The following STK3 variants were observed in gnomAD, a reference collection of about 807,000 sequenced individuals.
The protein encoded by STK3 is serine/threonine kinase 3.
In STK3, 41 loss-of-function variants were observed where a neutral mutation model predicts 58.0. The ratio of observed to expected loss-of-function variants is 0.71; its 90% CI spans 0.55 to 0.92. The LOEUF is 0.92. STK3 is among the 40% of genes least tolerant of loss of function. The pLI, the probability that STK3 is intolerant of heterozygous loss-of-function variation, is 0.00. For synonymous variants in STK3, 170 were observed against 191.0 expected (o/e 0.89, Z 0.91); for missense variants, 479 against 602.7 (o/e 0.79, Z 2.15).
chr8:98,586,986 CTTT>C (rs1045653949), intron 7 of STK3, among the ~76,000 whole-genome samples: 54 of 152,060 alleles, frequency 3.6e-4, no homozygotes, highest in African/African-American at 1.3e-3. Context: ...ATTCTTCTCT[CTTT>C]TTTTCTTTAT....
At chr8:98,727,022 A>G (rs1390992761) in intron 4 of STK3, among the ~76,000 whole-genome samples, 2 of 152,158 alleles carry the variant, frequency 1.3e-5, no homozygotes, top group East Asian at 3.8e-4. Flanking sequence ...TTGCCAGTCT[A>G]GCACTCATTT....
rs945966619 is a variant in STK3 at position 98,758,566 on chromosome 8, AT to A, written c.236+8676del. Among the ~76,000 whole-genome samples the A allele has an allele frequency of 8.5e-5, 13 of 152,290 alleles. No individual in the cohort carries two copies. The South Asian group carries it at 2.1e-3, about 24-fold the overall frequency. On this transcript the variant is annotated intron_variant, in intron 3 of 10. Transcript: ENST00000419617. ...TTGCAAAATTCTTGAGGGTCCTAAG[AT>A]TTTTGGAATGGGCAATGAACACTGG...
At chr8:98,399,132 G>A (rs1404582896), downstream of STK3, among the ~76,000 whole-genome samples, 1 of 152,204 alleles carries the variant, frequency 6.6e-6, no homozygotes, top group African/African-American at 2.4e-5. Context: ...AATTAGTTCA[G>A]CAGACTGGAC....
intron 1 of STK3, among the ~76,000 whole-genome samples, chr8:98,815,935 G>C (rs1431446111): frequency 6.6e-6 from 1 of 152,022 alleles, no homozygotes; most frequent in East Asian, 1.9e-4. Context: ...TCACAAAAAA[G>C]AAAGACAATT....
At chr8:98,899,506 T>C (rs958013942) in intron 1 of STK3, among the ~76,000 whole-genome samples, 34 of 152,144 alleles carry the variant, frequency 2.2e-4, no homozygotes, top group Non-Finnish European at 7.3e-5. Context: ...TATATAGCAT[T>C]TATAGTGTAT....
chr8:98,432,217 G>A (rs1818345398), intron 3 of STK3: 1 of 166,898 alleles, frequency 6.0e-6, no homozygotes, highest in African/African-American at 2.4e-5. Context: ...GACATCTTTG[G>A]CAACCAGGCT....
chr8:98,579,571 AG>A, intron 8 of STK3, 92 bp downstream of exon 8: 1 of 1,415,982 alleles, frequency 7.1e-7, no homozygotes, highest in Non-Finnish European at 9.6e-7. Context: ...TTACTTGTAT[AG>A]TAAAACAGTA....
intron 6 of STK3, among the ~76,000 whole-genome samples, chr8:98,657,199 A>T (rs1046187229): frequency 6.6e-6 from 1 of 152,056 alleles, no homozygotes; most frequent in Admixed American, 6.6e-5. Flanking sequence ...ATGGCCATTC[A>T]CCCATATATA....
chr8:98,896,870 T>C (rs928488756), intron 1 of STK3, among the ~76,000 whole-genome samples: 2 of 152,038 alleles, frequency 1.3e-5, no homozygotes, highest in African/African-American at 4.8e-5. Flanking sequence ...TCCTAGCTAC[T>C]CGGGAGGCTG....
intron 3 of STK3, among the ~76,000 whole-genome samples, chr8:98,858,211 G>C (rs975512372): frequency 6.7e-6 from 1 of 149,134 alleles, no homozygotes; most frequent in South Asian, 2.1e-4. Context: ...ACGAAACCCA[G>C]TGTCTACTAA....
At chr8:98,415,779 A>AT (rs1353324873) in intron 3 of STK3, among the ~76,000 whole-genome samples, 1 of 152,216 alleles carries the variant, frequency 6.6e-6, no homozygotes, top group Non-Finnish European at 1.5e-5. Flanking sequence ...TGAACAGATG[A>AT]TTTTTTGAAA....
chr8:98,507,994 T>C lies in STK3; in HGVS notation c.1317+18748A>G, dbSNP rs569724025. On this transcript the variant is annotated intron_variant, in intron 10 of 10. Coordinates refer to ENST00000419617, the MANE Select transcript of STK3 (RefSeq NM_006281.4). ...TCTCTCCAAAGTACTTATCGTCTTTTAGCAAACTGTATACTTTACTAATTT... is the reference window on the plus strand; with the variant it reads ...TCTCTCCAAAGTACTTATCGTCTTTCAGCAAACTGTATACTTTACTAATTT... Among the ~76,000 whole-genome samples the C allele has an allele frequency of 3.9e-5, 6 of 152,348 alleles. No individual in the cohort carries two copies. In the South Asian group the frequency reaches 6.2e-4, roughly 16 times the overall value.
intron 9 of STK3, among the ~76,000 whole-genome samples, chr8:98,537,778 C>T (rs1018053614): frequency 6.6e-6 from 1 of 151,974 alleles, no homozygotes; most frequent in Non-Finnish European, 1.5e-5. Flanking sequence ...AACCTATTAG[C>T]AATAAAGAAT....
At chr8:98,879,231 T>C (rs896468117), downstream of STK3, 9 of 152,268 alleles carry the variant, frequency 5.9e-5, no homozygotes, top group Admixed American at 3.3e-4. Context: ...AAATGCTATG[T>C]AAATAGTTGT....
At chr8:98,648,667 T>A (rs977347675) in intron 6 of STK3, among the ~76,000 whole-genome samples, 1 of 152,088 alleles carries the variant, frequency 6.6e-6, no homozygotes, top group African/African-American at 2.4e-5. Flanking sequence ...CCAAGGCAGA[T>A]GAATCACTTG....
upstream of STK3, among the ~76,000 whole-genome samples, chr8:98,389,432 A>G (rs1817825784): frequency 6.6e-6 from 1 of 152,320 alleles, no homozygotes; most frequent in Non-Finnish European, 1.5e-5. Flanking sequence ...CAAGATAGCT[A>G]AAGCTTCAAA....
At chr8:98,562,025 T>C (rs1786281116) in intron 8 of STK3, among the ~76,000 whole-genome samples, 1 of 152,128 alleles carries the variant, frequency 6.6e-6, no homozygotes, top group African/African-American at 2.4e-5. Flanking sequence ...CCATACAAAC[T>C]ACTGGTGCGC....
chr8:98,782,581 G>A (rs1832165418), intron 1 of STK3: 2 of 295,994 alleles, frequency 6.8e-6, no homozygotes, highest in Non-Finnish European at 1.4e-5. Flanking sequence ...AGGCCAAGAA[G>A]GAAGAGAGCA....
intron 6 of STK3, among the ~76,000 whole-genome samples, chr8:98,620,964 C>G (rs1818254438): frequency 7.2e-6 from 1 of 138,814 alleles, no homozygotes; most frequent in African/African-American, 2.7e-5. Context: ...GAGTCTCGCT[C>G]TGTCGCCCAG....
Sources: allele counts gnomAD v4.1 joint callset (sites outside exome capture counted in the v4.1 genomes callset), GRCh38; gene constraint gnomAD v4.1.1; transcripts MANE v1.5; gene names NCBI Gene and HGNC (gene_info 2026-07-23, HGNC 2026-07-21).